HSPA12A: variants seen among roughly 807,000 people sequenced by gnomAD.
The protein encoded by HSPA12A is heat shock 70 kDa protein 12A.
A neutral mutation model predicts 69.2 loss-of-function variants in HSPA12A; 28 were observed. The observed-to-expected ratio is 0.40, with a 90% CI of 0.30 to 0.55. The LOEUF (loss-of-function observed/expected upper bound fraction) is 0.55, where lower values mean the gene tolerates loss of function less well. Ranked by LOEUF, HSPA12A falls within the 20% of genes least tolerant of loss-of-function variation. The probability of loss-of-function intolerance (pLI) is 0.38; values close to 1 mark genes in which losing one functional copy is unlikely to be tolerated. For missense variants in HSPA12A, 686 were observed against 900.7 expected (o/e 0.76, Z 3.05); for synonymous variants, 345 against 370.5 (o/e 0.93, Z 0.79).
chr10:116,740,676 C>G lies in HSPA12A; in HGVS notation c.40+1754G>C, dbSNP rs4436471. ...TGTGTGTGTGTGTGTGTGTGTGTGT[C>G]TGTGTGTGTGTGTGTGTGTGCGTGT... On this transcript the variant is annotated intron_variant, in intron 1 of 11. Transcript: ENST00000369209. Among the ~76,000 whole-genome samples the G allele has an allele frequency of 7.3e-3, 668 of 92,074 alleles. 19 individuals carry two copies. Among genetic ancestry groups the G allele is most frequent in the African/African-American group, 0.02 (471 of 23,378 alleles). 60.4% of individuals were successfully genotyped at this position (92,074 alleles called of 152,430 possible).
chr10:116,790,773 CT>C (rs1844686700), intron 2 of HSPA12A, among the ~76,000 whole-genome samples: 1 of 152,158 alleles, frequency 6.6e-6, no homozygotes, highest in Admixed American at 6.5e-5. Flanking sequence ...TCACTGCAAC[CT>C]TTGCCTCCCA....
intron 2 of HSPA12A, among the ~76,000 whole-genome samples, chr10:116,816,674 G>GA (rs1845312747): frequency 6.6e-6 from 1 of 152,166 alleles, no homozygotes; most frequent in South Asian, 2.1e-4. Context: ...TGGTCTCCCT[G>GA]AAAATCTGCC....
intron 1 of HSPA12A, among the ~76,000 whole-genome samples, chr10:116,724,250 C>T (rs1056893251): frequency 9.2e-5 from 14 of 152,100 alleles, no homozygotes; most frequent in Non-Finnish European, 1.9e-4. Flanking sequence ...GACCAGAAGG[C>T]CACCACCACT....
chr10:116,849,601 C>T lies in HSPA12A; in HGVS notation c.-33G>A. 4 of 1,549,278 alleles carry T rather than the reference C, an allele frequency of 2.6e-6. No individual in the cohort carries two copies. Among genetic ancestry groups the T allele is most frequent in the South Asian group, 1.2e-5 (1 of 83,840 alleles). On this transcript the variant is annotated 5_prime_UTR_variant, in exon 1 of 13. Coordinates refer to the HSPA12A transcript ENST00000635765. ...GAAGGCGGCGGCCGCAGCTGTGGGA[C>T]CACTAGGGAGCTGCAGAAGCTGAAG...
intron 5 of HSPA12A, among the ~76,000 whole-genome samples, chr10:116,693,696 T>G (rs1041725212): frequency 2.6e-5 from 4 of 152,234 alleles, no homozygotes; most frequent in African/African-American, 9.6e-5. Context: ...ACAGTTATCT[T>G]GGGTCTGGCC....
At chr10:116,821,315 C>A (rs1845406312) in intron 2 of HSPA12A, among the ~76,000 whole-genome samples, 1 of 152,172 alleles carries the variant, frequency 6.6e-6, no homozygotes, top group African/African-American at 2.4e-5. Context: ...CACAAGGCAC[C>A]TCCTACCTCA....
chr10:116,748,232 G>C (rs138668923), intron 2 of HSPA12A, among the ~76,000 whole-genome samples: 2 of 152,350 alleles, frequency 1.3e-5, no homozygotes, highest in East Asian at 3.9e-4. Flanking sequence ...TGTCTGCACA[G>C]TTGTGTTCTT....
intron 5 of HSPA12A, among the ~76,000 whole-genome samples, chr10:116,696,157 C>A (rs947302022): frequency 1.3e-5 from 2 of 152,080 alleles, no homozygotes; most frequent in South Asian, 4.2e-4. Flanking sequence ...GCACATTGAT[C>A]TTGGACTTCC....
rs115068512 is a variant in HSPA12A at position 116,740,733 on chromosome 10, G to T, written c.40+1697C>A. Among the ~76,000 whole-genome samples the T allele has an allele frequency of 5.6e-3, 832 of 149,592 alleles. 11 individuals are homozygous for T. The highest frequency in any genetic ancestry group is 0.019 in the African/African-American group (788 of 40,482). On this transcript the variant is annotated intron_variant, in intron 1 of 11. Transcript: ENST00000369209. ...GTGTTAGGATAGGGGTGCTGAATTT[G>T]ATTTACAAGACAAAACAGTGTTGGG...
At chr10:116,806,573 T>C (rs1457858218) in intron 2 of HSPA12A, among the ~76,000 whole-genome samples, 1 of 14,500 alleles carries the variant, frequency 6.9e-5, no homozygotes, top group Non-Finnish European at 7.9e-3. Flanking sequence ...ACACAGTGTT[T>C]GCCACAGGCC....
At chr10:116,768,246 A>G (rs1421512948) in intron 2 of HSPA12A, among the ~76,000 whole-genome samples, 1 of 152,268 alleles carries the variant, frequency 6.6e-6, no homozygotes. Flanking sequence ...AAGAAGCCAG[A>G]TGCAAAAGAC....
At chr10:116,817,223 G>A (rs1845323091) in intron 2 of HSPA12A, among the ~76,000 whole-genome samples, 1 of 152,068 alleles carries the variant, frequency 6.6e-6, no homozygotes, top group Non-Finnish European at 1.5e-5. Flanking sequence ...ACCGCCAGTG[G>A]CTTGTGATTC....
At chr10:116,679,906 C>CTGT in intron 9 of HSPA12A, 145 bp from the exon 10 acceptor site, 1 of 717,358 alleles carries the variant, frequency 1.4e-6, no homozygotes. Context: ...ACTTCAGAAC[C>CTGT]CTGCGCTGCT....
At chr10:116,834,392 T>TCTCA (rs772592634) in intron 2 of HSPA12A, among the ~76,000 whole-genome samples, 3 of 152,172 alleles carry the variant, frequency 2.0e-5, no homozygotes, top group Non-Finnish European at 4.4e-5. Flanking sequence ...CCCCTCCCTT[T>TCTCA]CTCAGTCTTT....
chr10:116,837,237 G>A (rs1437424334), intron 1 of HSPA12A, among the ~76,000 whole-genome samples: 2 of 152,152 alleles, frequency 1.3e-5, no homozygotes, highest in Admixed American at 6.5e-5. Flanking sequence ...TCTTAGTGAT[G>A]GTTTCATTTT....
At chr10:116,689,554 C>G (rs1849674503) in intron 6 of HSPA12A, among the ~76,000 whole-genome samples, 1 of 152,114 alleles carries the variant, frequency 6.6e-6, no homozygotes. Flanking sequence ...GTTCTGTGCT[C>G]AGACACTGTA....
At chr10:116,804,351 T>G (rs1338283272) in intron 2 of HSPA12A, among the ~76,000 whole-genome samples, 2 of 152,122 alleles carry the variant, frequency 1.3e-5, no homozygotes. Flanking sequence ...GTAACAGCGG[T>G]GGCACCAGGC....
Position 116,683,966 on chromosome 10 carries a change from G to A in HSPA12A, c.664-4C>T, listed in dbSNP as rs1554879138. The A allele has an allele frequency of 1.9e-5, 30 of 1,561,822 alleles. No homozygotes were observed. Among genetic ancestry groups the A allele is most frequent in the Non-Finnish European group, 2.4e-5 (28 of 1,145,800 alleles). On this transcript the variant is annotated splice_region_variant and splice_polypyrimidine_tract_variant and intron_variant, in intron 6 of 11. Coordinates refer to ENST00000369209, the MANE Select transcript of HSPA12A (RefSeq NM_025015.3). ...TCTCGGGGGAGGCCAGGCCTGCCTG[G>A]AAGACAGAAACAGAGGCTGGGACCC...
chr10:116,761,659 C>T (rs562006067), intron 2 of HSPA12A, among the ~76,000 whole-genome samples: 18 of 151,978 alleles, frequency 1.2e-4, no homozygotes, highest in Admixed American at 5.2e-4. Context: ...GAGCAGAGAT[C>T]GTACCACTGG....
Sources: allele counts gnomAD v4.1 joint callset (sites outside exome capture counted in the v4.1 genomes callset), GRCh38; gene constraint gnomAD v4.1.1; transcripts MANE v1.5; gene names NCBI Gene and HGNC (gene_info 2026-07-23, HGNC 2026-07-21).